Variants in TMEM135 observed in about 807,000 individuals in gnomAD.
TMEM135 encodes peroxisomal membrane protein 52.
Under a neutral mutation model 60.3 loss-of-function variants are expected in TMEM135, and 30 were observed. The observed-to-expected ratio is 0.50, with a 90% CI of 0.37 to 0.68. TMEM135 has a LOEUF of 0.68. Among genes scored for constraint, TMEM135 ranks in the 30% least tolerant of loss-of-function variants. TMEM135 has a pLI of 0.00. For synonymous variants in TMEM135, 190 were observed against 186.7 expected, an observed-to-expected ratio of 1.02 and a Z score of -0.14; for missense variants, 468 against 548.8, an observed-to-expected ratio of 0.85 and a Z score of 1.47.
intron 5 of TMEM135, among the ~76,000 whole-genome samples, chr11:87,210,837 A>T (rs1289107175): frequency 6.6e-6 from 1 of 152,176 alleles, no homozygotes; most frequent in Admixed American, 6.5e-5. Context: ...TGCAAGGCTG[A>T]TTTAACATGC....
At chr11:87,183,952 T>TTC (rs1194928312) in intron 5 of TMEM135, among the ~76,000 whole-genome samples, 12 of 54,928 alleles carry the variant, frequency 2.2e-4, no homozygotes, top group African/African-American at 8.7e-4. Flanking sequence ...CCAGACTTCG[T>TTC]CGCAAAAAAA....
intron 1 of TMEM135, among the ~76,000 whole-genome samples, chr11:87,066,804 C>G (rs1856670059): frequency 7.6e-6 from 1 of 131,528 alleles, no homozygotes; most frequent in African/African-American, 2.9e-5. Context: ...TTTTTTGAGA[C>G]AGAGTCTCAC....
intron 4 of TMEM135, among the ~76,000 whole-genome samples, chr11:87,094,527 C>T (rs1000049748): frequency 5.9e-5 from 9 of 152,192 alleles, no homozygotes; most frequent in Admixed American, 3.3e-4. Flanking sequence ...TCCGCCTAGT[C>T]TTTCCTCTGT....
At position 87,309,810 on chromosome 11, in the gene TMEM135, A is replaced by G. The variant is rs1228081730; in HGVS notation, c.936+138A>G. 6 of 909,704 alleles carry G rather than the reference A, an allele frequency of 6.6e-6. No homozygotes were observed. In the African/African-American group the frequency reaches 8.4e-5, roughly 13 times the overall value. 56.4% of individuals were successfully genotyped at this position (909,704 alleles called of 1,614,324 possible). A position where few individuals can be genotyped will look rare whatever the true frequency, so the allele number is the denominator to read the frequency against. ...TACATATCTTGACATAACCAAATCT[A>G]TACAATATATTGGGAAGTGAGGGTA... On this transcript the variant is annotated intron_variant, in intron 10 of 14. Coordinates refer to ENST00000305494, the MANE Select transcript of TMEM135 (RefSeq NM_022918.4).
At chr11:87,189,526 T>A (rs1939746460) in intron 5 of TMEM135, among the ~76,000 whole-genome samples, 1 of 152,136 alleles carries the variant, frequency 6.6e-6, no homozygotes, top group Non-Finnish European at 1.5e-5. Context: ...GCAGACAGAA[T>A]ATCTTCTCAT....
At chr11:87,245,293 G>C (rs1565500148) in intron 6 of TMEM135, among the ~76,000 whole-genome samples, 1 of 148,222 alleles carries the variant, frequency 6.7e-6, no homozygotes, top group Non-Finnish European at 1.5e-5. Flanking sequence ...TTTTGGAATA[G>C]GTGTGGTGTG....
Position 87,121,389 on chromosome 11 carries a change from A to G in TMEM135, c.396+29994A>G, listed in dbSNP as rs1266954017. ...AGAAGAATAAATAATTAAAATTATGATGAGTATTGCAAAAGAGTAAGCATG... is the reference window on the plus strand; with the variant it reads ...AGAAGAATAAATAATTAAAATTATGGTGAGTATTGCAAAAGAGTAAGCATG... On this transcript the variant is annotated intron_variant, in intron 4 of 14. Coordinates refer to ENST00000305494, the MANE Select transcript of TMEM135 (RefSeq NM_022918.4). The G allele has an allele frequency of 4.6e-5, 7 of 152,146 alleles. No individual in the cohort carries two copies. In the East Asian group the frequency reaches 5.8e-4, roughly 13 times the overall value. 9.4% of individuals were successfully genotyped at this position (152,146 alleles called of 1,614,324 possible).
intron 3 of TMEM135, among the ~76,000 whole-genome samples, chr11:87,075,440 C>T (rs974105084): frequency 6.6e-6 from 1 of 152,156 alleles, no homozygotes; most frequent in Non-Finnish European, 1.5e-5. Flanking sequence ...AGGCGTTCGC[C>T]ACTGCACCCG....
chr11:87,042,954 G>GTTTTT lies in TMEM135; in HGVS notation c.141+4772_141+4773insTTTTT, dbSNP rs201655891. 3.2e-5 allele frequency among the ~76,000 whole-genome samples: 4 copies of GTTTTT among 125,408 alleles called. 1 individual carries two copies. Among genetic ancestry groups the GTTTTT allele is most frequent in the African/African-American group, 1.3e-4 (4 of 30,960 alleles). The allele number at this position is 125,408 out of a possible 152,430, so 82.3% of individuals were successfully genotyped here. ...ACTCATCATTTATTTCTGTAGTTTT[G>GTTTTT]TTTTGTTTTTTTTTTTTTGAGACAG... On this transcript the variant is annotated intron_variant, in intron 1 of 14. Coordinates refer to ENST00000305494, the MANE Select transcript of TMEM135 (RefSeq NM_022918.4).
intron 4 of TMEM135, among the ~76,000 whole-genome samples, chr11:87,149,338 A>G (rs1047025428): frequency 6.6e-6 from 1 of 152,060 alleles, no homozygotes; most frequent in African/African-American, 2.4e-5. Context: ...ATGTGTTCCT[A>G]TACTCTCACC....
chr11:87,159,620 A>G (rs532668268), intron 5 of TMEM135, among the ~76,000 whole-genome samples: 4 of 89,060 alleles, frequency 4.5e-5, no homozygotes, highest in Non-Finnish European at 9.0e-5. Context: ...CACACACACC[A>G]TAGATTTTCC....
chr11:87,211,221 C>T (rs574155656), intron 5 of TMEM135, among the ~76,000 whole-genome samples: 4 of 152,190 alleles, frequency 2.6e-5, no homozygotes, highest in Non-Finnish European at 5.9e-5. Context: ...TAGAATAACA[C>T]ACTACATCTT....
At chr11:87,308,197 G>T (rs1447233048) in intron 9 of TMEM135, among the ~76,000 whole-genome samples, 1 of 152,122 alleles carries the variant, frequency 6.6e-6, no homozygotes, top group Non-Finnish European at 1.5e-5. Context: ...AGCATCTAGT[G>T]TAATGTTTGG....
At chr11:87,260,421 T>C (rs1396307997) in intron 6 of TMEM135, among the ~76,000 whole-genome samples, 1 of 152,196 alleles carries the variant, frequency 6.6e-6, no homozygotes, top group Admixed American at 6.5e-5. Flanking sequence ...TCTACTGATA[T>C]GAAACACGTA....
chr11:87,256,557 A>T (rs1591145035), intron 6 of TMEM135, among the ~76,000 whole-genome samples: 1 of 152,192 alleles, frequency 6.6e-6, no homozygotes, highest in Non-Finnish European at 1.5e-5. Flanking sequence ...AGGAAGCTTC[A>T]TATAGAGACA....
At chr11:87,099,929 C>A (rs1857418084) in intron 4 of TMEM135, among the ~76,000 whole-genome samples, 1 of 152,072 alleles carries the variant, frequency 6.6e-6, no homozygotes, top group South Asian at 2.1e-4. Context: ...TATCTGCCCT[C>A]CTCGGCCTCC....
At chr11:87,074,190 T>C (rs1222702247) in intron 3 of TMEM135, among the ~76,000 whole-genome samples, 2 of 152,176 alleles carry the variant, frequency 1.3e-5, no homozygotes, top group Non-Finnish European at 2.9e-5. Flanking sequence ...GGTCTCGAAC[T>C]CCCAACCTCA....
chr11:87,162,323 CA>C (rs1277533314), intron 5 of TMEM135, among the ~76,000 whole-genome samples: 1 of 151,994 alleles, frequency 6.6e-6, no homozygotes, highest in Non-Finnish European at 1.5e-5. Context: ...ATGCACCCAT[CA>C]ACCCGTCATC....
chr11:87,294,911 T>G (rs1942323410), intron 6 of TMEM135, among the ~76,000 whole-genome samples: 1 of 152,174 alleles, frequency 6.6e-6, no homozygotes, highest in African/African-American at 2.4e-5. Context: ...TTTTCTTAAC[T>G]ACCATGTAAT....
Sources: allele counts gnomAD v4.1 joint callset (sites outside exome capture counted in the v4.1 genomes callset), GRCh38; gene constraint gnomAD v4.1.1; transcripts MANE v1.5; gene names NCBI Gene and HGNC (gene_info 2026-07-23, HGNC 2026-07-21).